Variants in RBM19 observed in about 807,000 individuals in gnomAD.
RBM19 encodes RNA binding motif protein 19, also known as probable RNA-binding protein 19.
RBM19 carries 94 observed loss-of-function variants against 116.8 expected under a neutral mutation model. The ratio of observed to expected loss-of-function variants is 0.80; its 90% confidence interval spans 0.68 to 0.95. RBM19 has a LOEUF of 0.95. Ranked by LOEUF, RBM19 falls within the 40% of genes least tolerant of loss-of-function variation. The probability of loss-of-function intolerance (pLI) is 0.00; values close to 1 mark genes in which losing one functional copy is unlikely to be tolerated. For missense variants in RBM19, 1,161 were observed against 1,220.7 expected, an observed-to-expected ratio of 0.95 and a Z score of 0.73; for synonymous variants, 475 against 494.1, an observed-to-expected ratio of 0.96 and a Z score of 0.51.
intron 9 of RBM19, 99 bp from the exon 10 acceptor site, chr12:113,949,135 A>C: frequency 8.7e-7 from 1 of 1,153,588 alleles, no homozygotes; most frequent in Non-Finnish European, 1.3e-6. Context: ...CTTCCAAAAA[A>C]CACAATCAAG....
chr12:113,936,029 C>G (rs546583424), intron 16 of RBM19, among the ~76,000 whole-genome samples: 1 of 150,064 alleles, frequency 6.7e-6, no homozygotes, highest in Admixed American at 6.7e-5. Flanking sequence ...GGCTCTGTCT[C>G]AAAAAAACAA....
chr12:113,965,738 TC>T (rs1872813662), intron 1 of RBM19, among the ~76,000 whole-genome samples: 1 of 152,160 alleles, frequency 6.6e-6, no homozygotes, highest in East Asian at 1.9e-4. Flanking sequence ...CACTCCGTAT[TC>T]CTACTTGCCC....
rs552365050 is a variant in RBM19, at chr12:113,946,024, C to G, written c.1530-100G>C. Reference sequence around the variant, plus strand: ...GTAAGAAATGGGCTCCTAGGCCTGCCTATCTACATGCCCCCAATTTCCCTA... The same window carrying G: ...GTAAGAAATGGGCTCCTAGGCCTGCGTATCTACATGCCCCCAATTTCCCTA... On this transcript the variant is annotated intron_variant, in intron 12 of 23. Transcript: ENST00000261741. 3.6e-6 allele frequency: 4 copies of G among 1,105,898 alleles called. No individual in the cohort carries two copies. In the South Asian group the frequency reaches 5.7e-5, roughly 16 times the overall value. The allele number at this position is 1,105,898 out of a possible 1,614,324, so 68.5% of individuals were successfully genotyped here.
intron 6 of RBM19, 70 bp from the exon 7 acceptor site, chr12:113,955,281 T>A (rs1320133365): frequency 2.0e-6 from 3 of 1,463,742 alleles, no homozygotes; most frequent in Non-Finnish European, 2.9e-6. Flanking sequence ...GGTGGCACAC[T>A]GGGACATTTC....
chr12:113,952,017 C>T (rs1385417720), intron 8 of RBM19, among the ~76,000 whole-genome samples: 1 of 152,246 alleles, frequency 6.6e-6, no homozygotes, highest in Non-Finnish European at 1.5e-5. Flanking sequence ...CGAGCTCAGA[C>T]ACTCTGCCTT....
At chr12:113,933,602 A>G (rs191206273) in intron 16 of RBM19, among the ~76,000 whole-genome samples, 44 of 152,220 alleles carry the variant, frequency 2.9e-4, no homozygotes, top group African/African-American at 1.1e-3. Context: ...CCCCTCTGGG[A>G]GGTAGGGGCT....
At chr12:113,947,501 C>T (rs1165755427) in intron 10 of RBM19, 37 bp from the exon 11 acceptor site, 3 of 1,564,890 alleles carry the variant, frequency 1.9e-6, no homozygotes, top group Admixed American at 1.7e-5. Context: ...TGGTAGGCCG[C>T]AGCCACTTGG....
At chr12:113,958,114 AATGGT>A in intron 5 of RBM19, 64 bp from the exon 6 acceptor site, 1 of 1,543,728 alleles carries the variant, frequency 6.5e-7, no homozygotes, top group Non-Finnish European at 8.7e-7. Flanking sequence ...AGAGGTAGCA[AATGGT>A]AGATGGTCCT....
chr12:113,841,050 G>C (rs773221068), intron 23 of RBM19, among the ~76,000 whole-genome samples: 15 of 152,220 alleles, frequency 9.9e-5, no homozygotes, highest in Non-Finnish European at 1.9e-4. Flanking sequence ...GCCCAGAGCT[G>C]ATGTCCCCTT....
chr12:113,874,636 C>T (rs1478551714), intron 21 of RBM19, among the ~76,000 whole-genome samples: 1 of 152,224 alleles, frequency 6.6e-6, no homozygotes, highest in Non-Finnish European at 1.5e-5. Context: ...TATGTTCTAG[C>T]TGGAGCCCGC....
In RBM19 at chr12:113,823,207, A is replaced by C. The variant is rs1390473631; in HGVS notation, c.*17T>G. On this transcript the variant is annotated 3_prime_UTR_variant, in exon 24 of 24. Coordinates refer to ENST00000261741, the MANE Select transcript of RBM19 (RefSeq NM_016196.4). ...GGTCCCCAGGGCCCCGGAGCCACAC[A>C]CCCTCTCGGTGCCAGCTCACAGCTG... The C allele has an allele frequency of 3.8e-6, 6 of 1,599,286 alleles. No homozygotes were observed. Among genetic ancestry groups the C allele is most frequent in the African/African-American group, 1.4e-5 (1 of 72,928 alleles).
chr12:113,946,067 A>T (rs910082003), intron 12 of RBM19, 143 bp from the exon 13 acceptor site: 1 of 815,230 alleles, frequency 1.2e-6, no homozygotes, highest in Non-Finnish European at 1.9e-6. Context: ...CTACGTATAC[A>T]GGGCCTGAAG....
chr12:113,836,292 C>T (rs1022507733), intron 23 of RBM19, among the ~76,000 whole-genome samples: 4 of 152,214 alleles, frequency 2.6e-5, no homozygotes, highest in South Asian at 2.1e-4. Flanking sequence ...TGGTGGAAAA[C>T]GTCTGTCTTG....
At chr12:113,906,772 C>T (rs1247579305) in intron 21 of RBM19, among the ~76,000 whole-genome samples, 1 of 152,128 alleles carries the variant, frequency 6.6e-6, no homozygotes, top group South Asian at 2.1e-4. Context: ...ATTCCCTGTA[C>T]TGGATGTCTC....
At chr12:113,956,201 A>G (rs957346343) in intron 6 of RBM19, among the ~76,000 whole-genome samples, 6 of 152,208 alleles carry the variant, frequency 3.9e-5, no homozygotes, top group African/African-American at 1.4e-4. Context: ...CATAATTAGA[A>G]GAGGCAGAAA....
intron 21 of RBM19, among the ~76,000 whole-genome samples, chr12:113,882,504 C>T (rs1281366161): frequency 6.6e-6 from 1 of 152,236 alleles, no homozygotes; most frequent in East Asian, 1.9e-4. Flanking sequence ...TTGAAAGGAG[C>T]TCTAGGCTCA....
rs758419332 is a variant in RBM19 at position 113,962,351 on chromosome 12, T to G, written c.100A>C (p.Lys34Gln). The change falls in exon 2 of 24, where the codon AAG becomes CAG. Residue 34 changes from lysine to glutamine, a missense_variant. Transcript: ENST00000261741. ...AFGTLTDCSLKFTKDGKFRKF... is the reference protein window; with the variant it reads ...AFGTLTDCSLQFTKDGKFRKF... ...CGGAACTTGCCATCTTTGGTGAACT[T>G]CAGGCTGCAGTCTGTCAGCGTGCCG... The G allele has an allele frequency of 2.5e-6, 4 of 1,614,100 alleles. No homozygotes were observed. In the East Asian group the frequency reaches 8.9e-5, roughly 36 times the overall value.
chr12:113,832,984 T>C (rs1243768913), intron 23 of RBM19, among the ~76,000 whole-genome samples: 1 of 152,134 alleles, frequency 6.6e-6, no homozygotes, highest in Non-Finnish European at 1.5e-5. Context: ...GGTTAACTCT[T>C]GCAGGCTTTA....
intron 16 of RBM19, 54 bp downstream of exon 16, chr12:113,936,953 C>G: frequency 6.3e-7 from 1 of 1,593,068 alleles, no homozygotes; most frequent in East Asian, 2.2e-5. Flanking sequence ...CCCAACCCTC[C>G]TCCTTTCCCT....
Sources: gnomAD v4.1 joint callset for allele counts (sites outside exome capture counted in the v4.1 genomes callset) on GRCh38, gnomAD v4.1.1 for gene constraint, MANE v1.5 for transcripts, NCBI Gene and HGNC (gene_info 2026-07-23, HGNC 2026-07-21) for gene names.